Variants in LINGO2 observed in about 807,000 individuals in gnomAD.
LINGO2 encodes leucine rich repeat and Ig domain containing 2, also known as leucine-rich repeat and immunoglobulin-like domain-containing nogo receptor-interacting protein 2.
Under a neutral mutation model 30.6 loss-of-function variants are expected in LINGO2, and 14 were observed. That is an observed-to-expected ratio of 0.46 (90% CI 0.30 to 0.72). LINGO2 has a LOEUF of 0.72. LINGO2 is among the 30% of genes least tolerant of loss of function. The pLI is 0.07. For missense variants in LINGO2, 729 were observed against 751.7 expected, an observed-to-expected ratio of 0.97 and a Z score of 0.35; for synonymous variants, 317 against 288.5, an observed-to-expected ratio of 1.10 and a Z score of -1.00.
At chr9:28,644,269 T>C (rs991178657) in intron 1 of LINGO2, among the ~76,000 whole-genome samples, 1 of 152,014 alleles carries the variant, frequency 6.6e-6, no homozygotes, top group African/African-American at 2.4e-5. Flanking sequence ...CTGTTCACAA[T>C]AGCAAAGATT....
chr9:28,894,652 T>A, the LINGO2 span, among the ~76,000 whole-genome samples: 1 of 151,862 alleles, frequency 6.6e-6, no homozygotes, highest in African/African-American at 2.4e-5. Context: ...ATGTGTCAAC[T>A]TTTTACATTT....
At chr9:28,245,607 A>G (rs1267413485) in intron 4 of LINGO2, among the ~76,000 whole-genome samples, 2 of 152,202 alleles carry the variant, frequency 1.3e-5, no homozygotes, top group Non-Finnish European at 2.9e-5. Flanking sequence ...TCAGGATACA[A>G]AATCAATGTG....
chr9:27,948,854 A>G (rs1440361009), exon 6 of LINGO2: 2 of 1,605,578 alleles, frequency 1.2e-6, no homozygotes, highest in African/African-American at 1.3e-5. Flanking sequence ...TGGGCCTTCA[A>G]ATCATTTTCA....
intron 5 of LINGO2, among the ~76,000 whole-genome samples, chr9:27,995,684 C>G (rs1277023432): frequency 6.6e-6 from 1 of 152,092 alleles, no homozygotes; most frequent in African/African-American, 2.4e-5. Context: ...AAACTTTCAA[C>G]AAATTGAGTA....
At chr9:29,102,535 A>G in the LINGO2 span, among the ~76,000 whole-genome samples, 2 of 152,200 alleles carry the variant, frequency 1.3e-5, no homozygotes, top group East Asian at 1.9e-4. Flanking sequence ...CAAAGAACAC[A>G]TGGTGATTAT....
the LINGO2 span, among the ~76,000 whole-genome samples, chr9:29,213,296 C>G: frequency 2.0e-5 from 3 of 152,198 alleles, no homozygotes; most frequent in East Asian, 5.8e-4. Flanking sequence ...TGCCCCTCCC[C>G]CCTTTCTCCC....
At chr9:28,142,593 C>A (rs1827704888) in intron 4 of LINGO2, among the ~76,000 whole-genome samples, 1 of 152,074 alleles carries the variant, frequency 6.6e-6, no homozygotes, top group Non-Finnish European at 1.5e-5. Flanking sequence ...TGAAGAAAGA[C>A]TAGGTTAACT....
chr9:28,729,138 C>A, the LINGO2 span, among the ~76,000 whole-genome samples: 21 of 152,080 alleles, frequency 1.4e-4, no homozygotes, highest in Admixed American at 1.3e-4. Flanking sequence ...CTGACACCTG[C>A]CATCCTGAAA....
the LINGO2 span, among the ~76,000 whole-genome samples, chr9:29,072,048 T>C: frequency 1.3e-5 from 2 of 152,122 alleles, no homozygotes; most frequent in African/African-American, 4.8e-5. Context: ...TCTGAAGCCA[T>C]AGTGTATCAG....
At chr9:28,858,547 T>TC in the LINGO2 span, among the ~76,000 whole-genome samples, 1 of 151,902 alleles carries the variant, frequency 6.6e-6, no homozygotes, top group Non-Finnish European at 1.5e-5. Context: ...TCCATTTCTG[T>TC]CCCCCCGTCG....
At chr9:28,806,849 T>C in the LINGO2 span, among the ~76,000 whole-genome samples, 16 of 152,094 alleles carry the variant, frequency 1.1e-4, 1 homozygote, top group African/African-American at 3.6e-4. Flanking sequence ...TTCCCTCAGA[T>C]ACTTGAATAT....
chr9:28,429,115 C>A (rs1381097945), intron 2 of LINGO2, among the ~76,000 whole-genome samples: 1 of 152,148 alleles, frequency 6.6e-6, no homozygotes, highest in African/African-American at 2.4e-5. Context: ...ATCATCTTAA[C>A]AGCTCAGTAA....
chr9:28,003,620 C>A (rs1010590485), intron 5 of LINGO2, among the ~76,000 whole-genome samples: 1 of 152,102 alleles, frequency 6.6e-6, no homozygotes, highest in African/African-American at 2.4e-5. Flanking sequence ...TGCCACCACA[C>A]CCGGCTAATT....
At chr9:28,416,827 T>C (rs548929243) in intron 2 of LINGO2, among the ~76,000 whole-genome samples, 1 of 152,272 alleles carries the variant, frequency 6.6e-6, no homozygotes, top group South Asian at 2.1e-4. Flanking sequence ...AGCCATACAA[T>C]ATAGGACAAA....
chr9:28,334,201 A>G (rs1464587864), intron 3 of LINGO2, among the ~76,000 whole-genome samples: 1 of 152,166 alleles, frequency 6.6e-6, no homozygotes, highest in Non-Finnish European at 1.5e-5. Context: ...AAGAAAGAAG[A>G]TGGCCTGAGA....
intron 4 of LINGO2, among the ~76,000 whole-genome samples, chr9:28,014,181 C>A (rs948273721): frequency 6.6e-6 from 1 of 152,114 alleles, no homozygotes; most frequent in African/African-American, 2.4e-5. Context: ...AGTTGGTGCG[C>A]TCGAGCATTT....
chr9:29,132,881 C>CTTT, the LINGO2 span, among the ~76,000 whole-genome samples: 15 of 147,700 alleles, frequency 1.0e-4, no homozygotes, highest in African/African-American at 3.3e-4. Flanking sequence ...ACATGTAATC[C>CTTT]TTTTTTTTTT....
chr9:29,088,419 G>A, the LINGO2 span, among the ~76,000 whole-genome samples: 843 of 152,120 alleles, frequency 5.5e-3, 11 homozygotes, highest in African/African-American at 0.019. Flanking sequence ...AACCATAAAG[G>A]CATGACTATA....
At chr9:28,040,756 A>G (rs1472206052) in intron 4 of LINGO2, among the ~76,000 whole-genome samples, 2 of 118,858 alleles carry the variant, frequency 1.7e-5, no homozygotes, top group African/African-American at 6.5e-5. Context: ...GACTCAGATA[A>G]TTTAACTGAC....
Sources: gnomAD v4.1 joint callset for allele counts (sites outside exome capture counted in the v4.1 genomes callset) on GRCh38, gnomAD v4.1.1 for gene constraint, MANE v1.5 for transcripts, NCBI Gene and HGNC (gene_info 2026-07-23, HGNC 2026-07-21) for gene names.